The following COA1 variants were observed in gnomAD, a reference collection of about 807,000 sequenced individuals.
COA1 encodes cytochrome c oxidase assembly factor 1 homolog.
In COA1, 13 loss-of-function variants were observed where a neutral mutation model predicts 16.0. That is an observed-to-expected ratio of 0.81 (90% CI 0.53 to 1.29). The LOEUF is 1.29. Ranked by LOEUF, COA1 falls within the 50% of genes most tolerant of loss-of-function variation. The pLI is 0.00. For synonymous variants in COA1, 65 were observed against 65.7 expected (o/e 0.99, Z 0.05); for missense variants, 179 against 177.0 (o/e 1.01, Z -0.06).
chr7:43,726,552 G>A (rs2095621063), intron 1 of COA1, among the ~76,000 whole-genome samples: 3 of 152,206 alleles, frequency 2.0e-5, no homozygotes, highest in South Asian at 2.1e-4. Context: ...AACTCCATAC[G>A]GAATGGCAAA....
chr7:43,692,361 A>T (rs933217975), intron 1 of COA1, among the ~76,000 whole-genome samples: 72 of 152,270 alleles, frequency 4.7e-4, no homozygotes, highest in Middle Eastern at 6.8e-3. Flanking sequence ...TCTACAAAAA[A>T]TACAAATCTT....
intron 1 of COA1, among the ~76,000 whole-genome samples, chr7:43,653,060 C>A (rs1479154647): frequency 6.6e-6 from 1 of 152,166 alleles, no homozygotes; most frequent in Non-Finnish European, 1.5e-5. Flanking sequence ...CACCTGTAAT[C>A]CCAGCACTTT....
At chr7:43,661,934 A>G (rs776813200) in intron 1 of COA1, among the ~76,000 whole-genome samples, 41 of 152,270 alleles carry the variant, frequency 2.7e-4, no homozygotes, top group Non-Finnish European at 5.0e-4. Flanking sequence ...ATGTTTTACC[A>G]TTTTAATGAT....
At chr7:43,663,705 A>C (rs1438022740) in intron 1 of COA1, among the ~76,000 whole-genome samples, 1 of 150,682 alleles carries the variant, frequency 6.6e-6, no homozygotes, top group African/African-American at 2.4e-5. Flanking sequence ...CACAAAAAAA[A>C]ACCTAAAACC....
At chr7:43,720,053 C>A (rs1197543293) in intron 1 of COA1, among the ~76,000 whole-genome samples, 1 of 151,618 alleles carries the variant, frequency 6.6e-6, no homozygotes, top group Non-Finnish European at 1.5e-5. Context: ...CCAAGGTGGG[C>A]GGGTCACTTG....
At chr7:43,619,091 T>C (rs1438552984) in intron 6 of COA1, among the ~76,000 whole-genome samples, 2 of 152,220 alleles carry the variant, frequency 1.3e-5, no homozygotes, top group Non-Finnish European at 2.9e-5. Context: ...CAGTGCCCAG[T>C]GCTACAGAAA....
chr7:43,703,070 T>C (rs2094815407), intron 1 of COA1, among the ~76,000 whole-genome samples: 1 of 152,056 alleles, frequency 6.6e-6, no homozygotes, highest in African/African-American at 2.4e-5. Flanking sequence ...GTTTCAAATA[T>C]TTTTCTGCCT....
rs1474898626 is a variant in COA1 at position 43,691,355 on chromosome 7, G to C, written c.-39+38074C>G. 1.0e-3 allele frequency among the ~76,000 whole-genome samples: 38 copies of C among 36,200 alleles called. 1 individual carries two copies. Among genetic ancestry groups the C allele is most frequent in the African/African-American group, 3.7e-3 (34 of 9,098 alleles). 23.7% of individuals were successfully genotyped at this position (36,200 alleles called of 152,430 possible). A position where few individuals can be genotyped will look rare whatever the true frequency, so the allele number is the denominator to read the frequency against. On this transcript the variant is annotated intron_variant, in intron 1 of 5. Transcript: ENST00000223336. Reference sequence around the variant, plus strand: ...AGAAAGAGAGAGAGGGAGGGAGGGAGGGAGGGAGGGAGGGAGGGAGGGAGG... The same window carrying C: ...AGAAAGAGAGAGAGGGAGGGAGGGACGGAGGGAGGGAGGGAGGGAGGGAGG...
At chr7:43,682,478 G>A (rs1210868019) in intron 1 of COA1, among the ~76,000 whole-genome samples, 3 of 152,130 alleles carry the variant, frequency 2.0e-5, no homozygotes, top group East Asian at 1.9e-4. Flanking sequence ...AAATGTCACG[G>A]TGACAGGTAC....
intron 1 of COA1, among the ~76,000 whole-genome samples, chr7:43,691,412 G>GAAGGAAGA (rs2094340279): frequency 2.3e-5 from 2 of 88,636 alleles, no homozygotes; most frequent in Non-Finnish European, 4.4e-5. Context: ...AGGAAGGAAG[G>GAAGGAAGA]AAGAAAGAAA....
At chr7:43,703,492 G>A (rs988515113) in intron 1 of COA1, among the ~76,000 whole-genome samples, 1 of 152,140 alleles carries the variant, frequency 6.6e-6, no homozygotes, top group African/African-American at 2.4e-5. Flanking sequence ...CTAAGAATTT[G>A]TTTTATGAAT....
intron 1 of COA1, among the ~76,000 whole-genome samples, chr7:43,676,052 A>G (rs181689163): frequency 1.3e-5 from 2 of 152,266 alleles, no homozygotes; most frequent in East Asian, 3.9e-4. Context: ...CTCATAAACA[A>G]AGTAGCTACT....
chr7:43,651,006 C>T (rs2090656683), intron 1 of COA1, among the ~76,000 whole-genome samples: 1 of 152,090 alleles, frequency 6.6e-6, no homozygotes, highest in Admixed American at 6.5e-5. Context: ...TCCTTTTCAA[C>T]TAGCTTCAGT....
At chr7:43,685,381 C>T (rs775572755) in intron 1 of COA1, among the ~76,000 whole-genome samples, 71 of 152,018 alleles carry the variant, frequency 4.7e-4, no homozygotes, top group African/African-American at 1.5e-3. Flanking sequence ...TAATTTCTGA[C>T]GTGTCATTAA....
Position 43,647,058 on chromosome 7 carries a change from G to A in COA1, c.115+477C>T, listed in dbSNP as rs181840654. 3.2e-4 allele frequency: 55 copies of A among 173,326 alleles called. 1 individual carries two copies. Among genetic ancestry groups the A allele is most frequent in the Admixed American group, 1.9e-3 (33 of 17,488 alleles). The allele number at this position is 173,326 out of a possible 1,614,324, so 10.7% of individuals were successfully genotyped here. A position where few individuals can be genotyped will look rare whatever the true frequency, so the allele number is the denominator to read the frequency against. ...CGGCATCTGTCGGGATTTTGCCATCGTGGTCTCTGCTTTTATTTTCTGCCC... is the reference window on the plus strand; with the variant it reads ...CGGCATCTGTCGGGATTTTGCCATCATGGTCTCTGCTTTTATTTTCTGCCC... On this transcript the variant is annotated intron_variant, in intron 3 of 5. Transcript: ENST00000223336.
chr7:43,616,130 A>G (rs1427582830), intron 6 of COA1, among the ~76,000 whole-genome samples: 1 of 152,144 alleles, frequency 6.6e-6, no homozygotes, highest in Non-Finnish European at 1.5e-5. Flanking sequence ...AAAATGAGGA[A>G]ATCTTTTTAC....
intron 1 of COA1, among the ~76,000 whole-genome samples, chr7:43,725,926 A>T (rs1176036237): frequency 1.3e-5 from 2 of 151,476 alleles, no homozygotes; most frequent in East Asian, 3.8e-4. Context: ...AACAAAATTA[A>T]AAAAATACAA....
chr7:43,669,262 G>A (rs775393617), intron 1 of COA1, among the ~76,000 whole-genome samples: 4 of 152,148 alleles, frequency 2.6e-5, no homozygotes, highest in Non-Finnish European at 4.4e-5. Flanking sequence ...AGGAAAAGGG[G>A]TCCTTGGGGA....
chr7:43,709,434 T>TTGTGTG (rs59823123), intron 1 of COA1, among the ~76,000 whole-genome samples: 8,817 of 144,910 alleles, frequency 0.061, 301 homozygotes, highest in East Asian at 0.092. Context: ...CTTTGTTTTA[T>TTGTGTG]TGTGTGTGTG....
Sources: gnomAD v4.1 joint callset for allele counts (sites outside exome capture counted in the v4.1 genomes callset) on GRCh38, gnomAD v4.1.1 for gene constraint, MANE v1.5 for transcripts, NCBI Gene and HGNC (gene_info 2026-07-23, HGNC 2026-07-21) for gene names.